The following HBP1 variants were observed in gnomAD, a reference collection of about 807,000 sequenced individuals.
HBP1 encodes HMG-box transcription factor 1.
Under a neutral mutation model 62.6 loss-of-function variants are expected in HBP1, and 20 were observed. That is an observed-to-expected ratio of 0.32 (90% CI 0.22 to 0.46). The LOEUF (loss-of-function observed/expected upper bound fraction) is 0.46. HBP1 is among the 20% of genes least tolerant of loss of function. The pLI, the probability that HBP1 is intolerant of heterozygous loss-of-function variation, is 1.00. For synonymous variants in HBP1, 232 were observed against 206.2 expected, an observed-to-expected ratio of 1.12 and a Z score of -1.07; for missense variants, 480 against 611.8, an observed-to-expected ratio of 0.78 and a Z score of 2.27.
chr7:107,186,156 C>CTTTTT (rs946488645), intron 4 of HBP1, among the ~76,000 whole-genome samples: 46 of 127,248 alleles, frequency 3.6e-4, no homozygotes, highest in Admixed American at 6.5e-4. Flanking sequence ...TCTTTTTTTT[C>CTTTTT]TTTTTTTTTC....
intron 10 of HBP1, 193 bp downstream of exon 10, chr7:107,200,494 T>C (rs1798189405): frequency 2.4e-6 from 1 of 408,656 alleles, no homozygotes. Flanking sequence ...TTTACTCTCA[T>C]AGCATGGCAA....
At chr7:107,195,604 T>C (rs915318951) in intron 8 of HBP1, among the ~76,000 whole-genome samples, 2 of 152,192 alleles carry the variant, frequency 1.3e-5, no homozygotes, top group Non-Finnish European at 2.9e-5. Context: ...AGCTTTTGTA[T>C]TATCTGCAGA....
intron 8 of HBP1, chr7:107,192,651 A>T (rs935187985): frequency 8.6e-5 from 13 of 151,998 alleles, no homozygotes; most frequent in African/African-American, 3.1e-4. Flanking sequence ...TTTTTAAAGT[A>T]AAAGGGAAAA....
intron 7 of HBP1, 108 bp from the exon 8 acceptor site, chr7:107,190,065 G>C: frequency 1.3e-6 from 1 of 767,900 alleles, no homozygotes; most frequent in Non-Finnish European, 2.1e-6. Context: ...AATCTCTTGA[G>C]ACTTAGCAAT....
intron 4 of HBP1, 96 bp from the exon 5 acceptor site, chr7:107,186,265 C>G (rs1050318664): frequency 7.0e-6 from 5 of 713,130 alleles, no homozygotes; most frequent in African/African-American, 1.8e-5. Context: ...AAGTTATCCA[C>G]CTATAAGCAT....
At chr7:107,177,369 T>C (rs1205300650) in intron 1 of HBP1, among the ~76,000 whole-genome samples, 1 of 152,200 alleles carries the variant, frequency 6.6e-6, no homozygotes. Flanking sequence ...TGAGCAAGGC[T>C]CTAAAGCAGT....
chr7:107,195,750 C>CTT (rs75208949), intron 8 of HBP1, 84 bp from the exon 9 acceptor site: 146 of 530,656 alleles, frequency 2.8e-4, no homozygotes, highest in Middle Eastern at 5.6e-4. Flanking sequence ...CAGATGTTTT[C>CTT]TTTTTTTTTT....
At chr7:107,200,375 G>A in intron 10 of HBP1, 74 bp downstream of exon 10, 2 of 1,276,152 alleles carry the variant, frequency 1.6e-6, no homozygotes, top group Non-Finnish European at 2.2e-6. Flanking sequence ...TGGAGCAGTT[G>A]TTACAACCTT....
chr7:107,177,474 T>C (rs1309856997), intron 1 of HBP1, among the ~76,000 whole-genome samples: 1 of 152,232 alleles, frequency 6.6e-6, no homozygotes, highest in Admixed American at 6.5e-5. Context: ...GCAGTTGGGC[T>C]ATGTGTCAAG....
intron 3 of HBP1, 91 bp from the exon 4 acceptor site, chr7:107,185,710 A>G: frequency 1.1e-6 from 1 of 948,810 alleles, no homozygotes; most frequent in South Asian, 1.7e-5. Context: ...ATGTAATAAC[A>G]TTGGCGTTTT....
rs17851987 is a variant in HBP1, at chr7:107,190,292, T to C, written c.1042T>C (p.Ser348Pro). ...CCCCGATGCCATTAATTTTGATGAT[T>C]CAGGTGTTTTTGATACATTTAAAAG... ...GHPDAINFDD[S>P]GVFDTFKSYD... is the part of the protein sequence containing the mutation. The change falls in exon 8 of 11, where the codon TCA becomes CCA. Residue 348 changes from serine to proline, a missense_variant. Physicochemically the swap from Ser to Pro is moderately conservative, Grantham distance 74. This residue lies in a region of HBP1 where 58 missense variants were observed against 128.5 expected (regional missense o/e 0.45). Transcript: ENST00000222574. 1.2e-6 allele frequency: 2 copies of C among 1,610,350 alleles called. No homozygotes were observed. Among genetic ancestry groups the C allele is most frequent in the Non-Finnish European group, 1.7e-6 (2 of 1,177,454 alleles).
At chr7:107,179,188 A>G (rs1796994148) in intron 1 of HBP1, among the ~76,000 whole-genome samples, 1 of 152,052 alleles carries the variant, frequency 6.6e-6, no homozygotes, top group South Asian at 2.1e-4. Flanking sequence ...AACTTTTATT[A>G]AGGAAAGTTT....
chr7:107,202,310 T>TGGTC lies in HBP1; in HGVS notation c.*879_*880insGGTC. 1.3e-5 allele frequency: 2 copies of TGGTC among 152,646 alleles called. No individual in the cohort carries two copies. Among genetic ancestry groups the TGGTC allele is most frequent in the Non-Finnish European group, 2.9e-5 (2 of 68,048 alleles). 9.5% of individuals were successfully genotyped at this position (152,646 alleles called of 1,614,324 possible). ...GCACTTTAATTTTCCTCCAACTGTC[T>TGGTC]AAAATTAGAGCAAATACATTGGCAA... On this transcript the variant is annotated 3_prime_UTR_variant, in exon 11 of 11. Coordinates refer to ENST00000222574, the MANE Select transcript of HBP1 (RefSeq NM_012257.4).
At chr7:107,176,777 T>A (rs911013696) in intron 1 of HBP1, among the ~76,000 whole-genome samples, 1 of 151,910 alleles carries the variant, frequency 6.6e-6, no homozygotes, top group Non-Finnish European at 1.5e-5. Flanking sequence ...AGATTTGTGT[T>A]ACACATTTTC....
rs1283229109 is a variant in HBP1 at position 107,179,777 on chromosome 7, AAAAAC to A, written c.-15-94_-15-90del. The A allele has an allele frequency of 9.4e-6, 7 of 745,114 alleles. No homozygotes were observed. The African/African-American group carries it at 1.2e-4, about 13-fold the overall frequency. The allele number at this position is 745,114 out of a possible 1,614,324, so 46.2% of individuals were successfully genotyped here. A position where few individuals can be genotyped will look rare whatever the true frequency, so the allele number is the denominator to read the frequency against. The stretch of plus-strand genomic sequence containing the variant: ...ACAGAGTGTGACTATGTCTCAAAAA[AAAAAC>A]AAAACAACATTGTCATGTCTCTGAT... On this transcript the variant is annotated intron_variant, in intron 1 of 10. Transcript: ENST00000222574.
intron 1 of HBP1, among the ~76,000 whole-genome samples, chr7:107,177,852 CA>C (rs796287736): frequency 2.0e-5 from 3 of 151,518 alleles, no homozygotes; most frequent in Non-Finnish European, 4.4e-5. Context: ...CCTTTTTTTC[CA>C]AAAAAATTTT....
In HBP1 at chr7:107,201,669, A is replaced by G. The variant is rs1798320562; in HGVS notation, c.*238A>G. ...TTGCCTTATTTTTCTTCCAAACTTC[A>G]TATATGTCTATCAGGTAATAATAGG... On this transcript the variant is annotated 3_prime_UTR_variant, in exon 11 of 11. Transcript: ENST00000222574. 1 of 399,032 alleles carries G rather than the reference A, an allele frequency of 2.5e-6. No homozygotes were observed. Among genetic ancestry groups the G allele is most frequent in the Non-Finnish European group, 4.5e-6 (1 of 222,498 alleles). The allele number at this position is 399,032 out of a possible 1,614,324, so 24.7% of individuals were successfully genotyped here.
chr7:107,201,351 C>T, intron 10 of HBP1, 63 bp from the exon 11 acceptor site: 1 of 954,176 alleles, frequency 1.0e-6, no homozygotes, highest in Non-Finnish European at 1.7e-6. Context: ...TCTTAGCTTT[C>T]ATATATAGGA....
chr7:107,178,007 C>T (rs533724189), intron 1 of HBP1, among the ~76,000 whole-genome samples: 135 of 152,166 alleles, frequency 8.9e-4, no homozygotes, highest in Non-Finnish European at 1.2e-3. Flanking sequence ...ACTTAGAAAG[C>T]TTATAAATAT....
Sources: gnomAD v4.1 joint callset for allele counts (sites outside exome capture counted in the v4.1 genomes callset) on GRCh38, gnomAD v4.1.1 for gene constraint, gnomAD v4.1.1 regional missense constraint, MANE v1.5 for transcripts, NCBI Gene and HGNC (gene_info 2026-07-23, HGNC 2026-07-21) for gene names.